FOCAD: variants seen among roughly 807,000 people sequenced by gnomAD.
FOCAD encodes KIAA1797.
In FOCAD, 198 loss-of-function variants were observed where a neutral mutation model predicts 225.6. The ratio of observed to expected loss-of-function variants is 0.88; its 90% CI spans 0.78 to 0.99. FOCAD has a LOEUF of 0.99. FOCAD is among the 50% of genes least tolerant of loss of function. The probability of loss-of-function intolerance (pLI) is 0.00; values close to 1 mark genes in which losing one functional copy is unlikely to be tolerated. For synonymous variants in FOCAD, 897 were observed against 755.0 expected, an observed-to-expected ratio of 1.19 and a Z score of -3.08; for missense variants, 2,713 against 2,123.6, an observed-to-expected ratio of 1.28 and a Z score of -5.46.
At chr9:20,743,095 C>G (rs1448438842) in intron 5 of FOCAD, among the ~76,000 whole-genome samples, 6 of 152,148 alleles carry the variant, frequency 3.9e-5, no homozygotes, top group Non-Finnish European at 8.8e-5. Context: ...CTATGATTAC[C>G]TGAGTCAATC....
chr9:20,765,973 T>C (rs1350347087), intron 7 of FOCAD, among the ~76,000 whole-genome samples: 1 of 152,220 alleles, frequency 6.6e-6, no homozygotes, highest in Non-Finnish European at 1.5e-5. Context: ...GACTTATAAA[T>C]AGGCTTTCCT....
intron 2 of FOCAD, among the ~76,000 whole-genome samples, chr9:20,660,289 C>T (rs1172119945): frequency 6.6e-6 from 1 of 152,172 alleles, no homozygotes. Flanking sequence ...CATATCCTTA[C>T]AATGACCTAT....
intron 39 of FOCAD, 65 bp from the exon 40 acceptor site, chr9:20,986,223 G>GAA: frequency 7.4e-7 from 1 of 1,352,094 alleles, no homozygotes; most frequent in East Asian, 3.0e-5. Context: ...CCCTTGCCCT[G>GAA]AAATTCTGTA....
chr9:20,842,718 A>G (rs1454638441), intron 15 of FOCAD, among the ~76,000 whole-genome samples: 1 of 151,954 alleles, frequency 6.6e-6, no homozygotes, highest in Non-Finnish European at 1.5e-5. Context: ...CTTATATTCA[A>G]TGTGATTATT....
intron 15 of FOCAD, among the ~76,000 whole-genome samples, chr9:20,853,218 A>G (rs1273219764): frequency 1.3e-5 from 2 of 151,596 alleles, no homozygotes; most frequent in Non-Finnish European, 3.0e-5. Flanking sequence ...AATCAATGGA[A>G]TTTGCATTGG....
chr9:20,807,375 G>A (rs1327447023), intron 11 of FOCAD, among the ~76,000 whole-genome samples: 1 of 152,226 alleles, frequency 6.6e-6, no homozygotes, highest in African/African-American at 2.4e-5. Flanking sequence ...ATGCAAAAAG[G>A]AGACAGAGAA....
intron 8 of FOCAD, among the ~76,000 whole-genome samples, chr9:20,772,523 G>C (rs1050647804): frequency 6.6e-6 from 1 of 152,150 alleles, no homozygotes; most frequent in Non-Finnish European, 1.5e-5. Context: ...AGAAAATCAA[G>C]GGAAGGAATA....
rs553433091 is a variant in FOCAD at position 20,822,866 on chromosome 9, G to C, written c.1794-123G>C. On this transcript the variant is annotated intron_variant, in intron 14 of 43. Coordinates refer to ENST00000338382, the MANE Select transcript of FOCAD (RefSeq NM_001375567.1). ...GAAAAAACATGGTGTTAATATTTGA[G>C]GGTCACCATTTAGTGGCACAAGAGT... 5.3e-6 allele frequency: 4 copies of C among 755,454 alleles called. No homozygotes were observed. In the South Asian group the frequency reaches 1.0e-4, roughly 20 times the overall value. 46.8% of individuals were successfully genotyped at this position (755,454 alleles called of 1,614,324 possible).
At chr9:20,905,140 G>A (rs1340048343) in intron 21 of FOCAD, among the ~76,000 whole-genome samples, 4 of 151,962 alleles carry the variant, frequency 2.6e-5, no homozygotes, top group African/African-American at 9.7e-5. Flanking sequence ...AGAACACTAA[G>A]TCTAGGGTAT....
intron 8 of FOCAD, among the ~76,000 whole-genome samples, chr9:20,772,176 A>G (rs541327438): frequency 5.9e-5 from 9 of 152,126 alleles, no homozygotes; most frequent in Admixed American, 1.3e-4. Context: ...TCAGCTTTCT[A>G]TTTTGGGCTA....
chr9:20,807,593 C>T (rs1398596249), intron 11 of FOCAD, among the ~76,000 whole-genome samples: 3 of 152,148 alleles, frequency 2.0e-5, no homozygotes, highest in African/African-American at 7.2e-5. Flanking sequence ...CTAAGCCTCC[C>T]AAATCTGGTA....
intron 1 of FOCAD, among the ~76,000 whole-genome samples, chr9:20,713,594 A>C (rs1483724944): frequency 6.6e-6 from 1 of 152,220 alleles, no homozygotes; most frequent in Non-Finnish European, 1.5e-5. Flanking sequence ...GCTGCTTTCT[A>C]CTAGACTGTA....
intron 21 of FOCAD, among the ~76,000 whole-genome samples, chr9:20,897,996 C>G (rs1427644606): frequency 6.6e-6 from 1 of 151,718 alleles, no homozygotes; most frequent in Non-Finnish European, 1.5e-5. Flanking sequence ...TTTGAAGGAT[C>G]ATTTTGTGGG....
chr9:20,991,239 T>C (rs1841644991), intron 42 of FOCAD, among the ~76,000 whole-genome samples: 1 of 152,238 alleles, frequency 6.6e-6, no homozygotes, highest in Non-Finnish European at 1.5e-5. Flanking sequence ...TCTCATTATA[T>C]GTTTCTGACC....
chr9:20,900,045 A>G (rs1316191173), intron 21 of FOCAD, among the ~76,000 whole-genome samples: 2 of 151,818 alleles, frequency 1.3e-5, no homozygotes, highest in Non-Finnish European at 2.9e-5. Flanking sequence ...ATGTATACCT[A>G]CTTCTCATCC....
upstream of FOCAD, among the ~76,000 whole-genome samples, chr9:20,679,576 C>CT (rs1012685004): frequency 8.6e-5 from 13 of 151,122 alleles, no homozygotes; most frequent in African/African-American, 1.9e-4. Context: ...TTCTTACTCT[C>CT]TTTTTTTTTG....
At chr9:20,679,196 G>A (rs1261107597) in intron 2 of FOCAD, among the ~76,000 whole-genome samples, 2 of 150,576 alleles carry the variant, frequency 1.3e-5, no homozygotes, top group East Asian at 3.9e-4. Flanking sequence ...GTGTGGTGCA[G>A]GGGAGGGAGA....
chr9:20,724,303 T>C (rs1427056034), intron 4 of FOCAD, among the ~76,000 whole-genome samples: 1 of 152,224 alleles, frequency 6.6e-6, no homozygotes, highest in Non-Finnish European at 1.5e-5. Context: ...TTCTAATCTT[T>C]TACAATAGAT....
intron 35 of FOCAD, among the ~76,000 whole-genome samples, chr9:20,973,162 TC>T (rs1320769048): frequency 6.6e-6 from 1 of 151,938 alleles, no homozygotes; most frequent in East Asian, 1.9e-4. Context: ...CCTGTGCTTC[TC>T]CTTTCTGCAG....
Sources: allele counts gnomAD v4.1 joint callset (sites outside exome capture counted in the v4.1 genomes callset), GRCh38; gene constraint gnomAD v4.1.1; transcripts MANE v1.5; gene names NCBI Gene and HGNC (gene_info 2026-07-23, HGNC 2026-07-21).